The following RARB variants were observed in gnomAD, a reference collection of about 807,000 sequenced individuals.
The protein encoded by RARB is retinoic acid receptor beta, also known as HBV-activated protein.
A neutral mutation model predicts 51.9 loss-of-function variants in RARB; 17 were observed. That is an observed-to-expected ratio of 0.33 (90% confidence interval 0.22 to 0.49). The LOEUF is 0.49. RARB is among the 20% of genes least tolerant of loss of function. RARB has a pLI of 0.99. For synonymous variants in RARB, 215 were observed against 195.4 expected, an observed-to-expected ratio of 1.10 and a Z score of -0.84; for missense variants, 369 against 550.8, an observed-to-expected ratio of 0.67 and a Z score of 3.30.
intron 5 of RARB, among the ~76,000 whole-genome samples, chr3:25,282,298 A>G (rs1575281202): frequency 6.6e-6 from 1 of 152,174 alleles, no homozygotes; most frequent in South Asian, 2.1e-4. Flanking sequence ...TGCACTGACC[A>G]TTCCCTCTGT....
intron 2 of RARB, among the ~76,000 whole-genome samples, chr3:24,891,324 A>C (rs1436311801): frequency 6.6e-6 from 1 of 152,176 alleles, no homozygotes; most frequent in Non-Finnish European, 1.5e-5. Flanking sequence ...AGCACCTAGC[A>C]TGTCTACATT....
chr3:25,003,039 A>T (rs1232132863), intron 2 of RARB, among the ~76,000 whole-genome samples: 1 of 152,108 alleles, frequency 6.6e-6, no homozygotes, highest in Non-Finnish European at 1.5e-5. Context: ...TTATTTCTTA[A>T]TTGTTGAATA....
intron 2 of RARB, among the ~76,000 whole-genome samples, chr3:24,881,726 A>C (rs371056066): frequency 6.6e-6 from 1 of 152,210 alleles, no homozygotes; most frequent in East Asian, 1.9e-4. Flanking sequence ...ATGTCAAAAT[A>C]AGAGCACAAT....
At chr3:25,261,566 C>G (rs1702998513) in intron 5 of RARB, among the ~76,000 whole-genome samples, 1 of 152,118 alleles carries the variant, frequency 6.6e-6, no homozygotes, top group African/African-American at 2.4e-5. Context: ...TTTCAGATGT[C>G]AAATCCACCT....
intron 3 of RARB, among the ~76,000 whole-genome samples, chr3:25,525,086 A>T (rs1013727681): frequency 1.1e-4 from 17 of 152,208 alleles, no homozygotes; most frequent in African/African-American, 4.1e-4. Flanking sequence ...ATCAGAAATT[A>T]TACTTTATGT....
intron 5 of RARB, among the ~76,000 whole-genome samples, chr3:25,191,947 A>T (rs1246314227): frequency 6.6e-6 from 1 of 152,134 alleles, no homozygotes; most frequent in Non-Finnish European, 1.5e-5. Flanking sequence ...TGTGGAGAAG[A>T]GAGTCTCTTA....
intron 4 of RARB, among the ~76,000 whole-genome samples, chr3:25,140,716 C>G (rs1465303813): frequency 6.6e-6 from 1 of 152,162 alleles, no homozygotes; most frequent in Non-Finnish European, 1.5e-5. Context: ...TGCTATCAAA[C>G]AGCATTGCAT....
chr3:25,462,977 T>C (rs1417992602), intron 2 of RARB, among the ~76,000 whole-genome samples: 1 of 152,204 alleles, frequency 6.6e-6, no homozygotes, highest in African/African-American at 2.4e-5. Flanking sequence ...ACTCAGTAGG[T>C]AGGAACATCA....
At chr3:24,836,591 C>T (rs1258118902) in intron 1 of RARB, among the ~76,000 whole-genome samples, 1 of 152,150 alleles carries the variant, frequency 6.6e-6, no homozygotes, top group South Asian at 2.1e-4. Context: ...AAGCCCAAGA[C>T]CTTACAGTGT....
chr3:25,491,360 A>G (rs1043064316), intron 2 of RARB, among the ~76,000 whole-genome samples: 9 of 151,996 alleles, frequency 5.9e-5, no homozygotes, highest in African/African-American at 1.9e-4. Context: ...TTTTCTTTCT[A>G]GCTTTTACTC....
chr3:25,019,274 T>C (rs1697577778), intron 2 of RARB, among the ~76,000 whole-genome samples: 1 of 152,178 alleles, frequency 6.6e-6, no homozygotes, highest in Non-Finnish European at 1.5e-5. Flanking sequence ...CTATTTTTGA[T>C]TGTAATAGAA....
At chr3:25,329,063 G>T (rs1422769995) in intron 5 of RARB, among the ~76,000 whole-genome samples, 1 of 152,214 alleles carries the variant, frequency 6.6e-6, no homozygotes, top group African/African-American at 2.4e-5. Flanking sequence ...AGCTCAAGGA[G>T]GCCTGCCTGC....
Position 25,596,883 on chromosome 3 carries a change from C to T in RARB, c.*267C>T, listed in dbSNP as rs1701858490. 3.3e-6 allele frequency: 1 copy of T among 305,310 alleles called. No individual in the cohort carries two copies. The highest frequency in any genetic ancestry group is 4.5e-5 in the Admixed American group (1 of 22,146). The allele number at this position is 305,310 out of a possible 1,614,324, so 18.9% of individuals were successfully genotyped here. On this transcript the variant is annotated 3_prime_UTR_variant, in exon 8 of 8. Coordinates refer to ENST00000330688, the MANE Select transcript of RARB (RefSeq NM_000965.5). ...GCTTCTATTTTCCTCTTTGAACACTCAAGATTGCATGGCAAAGACCCAGTC... is the reference window on the plus strand; with the variant it reads ...GCTTCTATTTTCCTCTTTGAACACTTAAGATTGCATGGCAAAGACCCAGTC...
At chr3:25,544,520 C>G (rs886553831) in intron 3 of RARB, among the ~76,000 whole-genome samples, 1 of 152,212 alleles carries the variant, frequency 6.6e-6, no homozygotes, top group Non-Finnish European at 1.5e-5. Context: ...GTTAGTTCAT[C>G]TCATGCCCTG....
intron 5 of RARB, among the ~76,000 whole-genome samples, chr3:25,189,462 G>GGC (rs1341700422): frequency 6.6e-6 from 1 of 152,056 alleles, no homozygotes; most frequent in Non-Finnish European, 1.5e-5. Context: ...TAGGAGCAGG[G>GGC]GCCCCAGCAG....
chr3:25,036,176 A>T (rs1320530851), intron 2 of RARB, among the ~76,000 whole-genome samples: 2 of 152,164 alleles, frequency 1.3e-5, no homozygotes, highest in Non-Finnish European at 2.9e-5. Context: ...GGACAAAAAT[A>T]AGGGAACGAA....
At chr3:25,154,961 C>A (rs190048149) in intron 4 of RARB, among the ~76,000 whole-genome samples, 1 of 152,176 alleles carries the variant, frequency 6.6e-6, no homozygotes, top group Non-Finnish European at 1.5e-5. Context: ...TTCCAACATC[C>A]AATGTAGGAC....
At chr3:24,908,663 G>GTTGT (rs1694922791) in intron 2 of RARB, among the ~76,000 whole-genome samples, 1 of 93,462 alleles carries the variant, frequency 1.1e-5, no homozygotes, top group Non-Finnish European at 2.0e-5. Flanking sequence ...AACCACAACT[G>GTTGT]TTTTTTTTTT....
rs1018221869 is a variant in RARB, at chr3:25,511,020, C to G, written c.448+9697C>G. 3.3e-5 allele frequency among the ~76,000 whole-genome samples: 5 copies of G among 152,204 alleles called. 1 individual carries two copies. The South Asian group carries it at 1.0e-3, about 32-fold the overall frequency. On this transcript the variant is annotated intron_variant, in intron 3 of 7. Transcript: ENST00000330688. ...CATTTGGTGTTTTTTTGCAACTACT[C>G]AACTCTACTATTGCAGCTTCAGAGC...
Sources: gnomAD v4.1 joint callset for allele counts (sites outside exome capture counted in the v4.1 genomes callset) on GRCh38, gnomAD v4.1.1 for gene constraint, MANE v1.5 for transcripts, NCBI Gene and HGNC (gene_info 2026-07-23, HGNC 2026-07-21) for gene names.